The following CYFIP2 variants were observed in gnomAD, a reference collection of about 807,000 sequenced individuals.
CYFIP2 encodes cytoplasmic FMR1-interacting protein 2.
A neutral mutation model predicts 158.7 loss-of-function variants in CYFIP2; 29 were observed. The ratio of observed to expected loss-of-function variants is 0.18; its 90% CI spans 0.14 to 0.25. CYFIP2 has a LOEUF of 0.25. CYFIP2 is among the 10% of genes least tolerant of loss of function. The pLI is 1.00. For missense variants in CYFIP2, 852 were observed against 1,639.5 expected, an observed-to-expected ratio of 0.52 and a Z score of 8.29; for synonymous variants, 585 against 617.6, an observed-to-expected ratio of 0.95 and a Z score of 0.78.
rs763551256 is a variant in CYFIP2 at position 157,361,625 on chromosome 5, G to A, written c.3039+27G>A. 1.9e-6 allele frequency: 3 copies of A among 1,613,392 alleles called. No homozygotes were observed. The highest frequency in any genetic ancestry group is 2.5e-6 in the Non-Finnish European group (3 of 1,179,626). ...TAAGTCCAGAGCCCAAAGGAAGTGG[G>A]GTGTCTCCAGGTTGGAGGGGATGCC... On this transcript the variant is annotated intron_variant, in intron 26 of 30. Coordinates refer to ENST00000620254, the MANE Select transcript of CYFIP2 (RefSeq NM_001037333.3). This position sits in a 1 kb window ranked among gnomAD's most constrained non-coding sequence, Gnocchi z 4.4.
rs73815814 is a variant in CYFIP2 at position 157,304,000 on chromosome 5, T to C, written c.667-238T>C. ...GCACTTTCTAACCATCAGAACTGCC[T>C]GGGAATAAAATAGGGGGTGAGTTCC... On this transcript the variant is annotated intron_variant, in intron 7 of 30. Transcript: ENST00000620254. 4.0e-3 allele frequency among the ~76,000 whole-genome samples: 602 copies of C among 152,186 alleles called. 2 individuals carry two copies. The highest frequency in any genetic ancestry group is 0.014 in the African/African-American group (570 of 41,528).
intron 30 of CYFIP2, among the ~76,000 whole-genome samples, chr5:157,391,938 T>C (rs1767335507): frequency 6.6e-6 from 1 of 152,210 alleles, no homozygotes; most frequent in African/African-American, 2.4e-5. Flanking sequence ...TCAGCACTTA[T>C]TCTTTAATAA....
chr5:157,295,580 T>C (rs1415608070), intron 4 of CYFIP2, among the ~76,000 whole-genome samples: 1 of 152,140 alleles, frequency 6.6e-6, no homozygotes, highest in African/African-American at 2.4e-5. Context: ...ACACATGCTG[T>C]TTTGTTTCAC....
At chr5:157,324,628 T>G (rs1453359706) in intron 16 of CYFIP2, 6 of 152,290 alleles carry the variant, frequency 3.9e-5, no homozygotes, top group African/African-American at 1.4e-4. Context: ...GGAAGGGCCT[T>G]CAAGGTCTCT....
chr5:157,395,268 C>G lies in CYFIP2; in HGVS notation c.*2268C>G. ...TTCTTTCCTCCTTGGCATTACTGCC[C>G]CAGCCTCTTTTTATTTTTTTTGTGT... On this transcript the variant is annotated 3_prime_UTR_variant, in exon 31 of 31. Transcript: ENST00000620254. 1 of 279,740 alleles carries G rather than the reference C, an allele frequency of 3.6e-6. No individual in the cohort carries two copies. Among genetic ancestry groups the G allele is most frequent in the Non-Finnish European group, 6.8e-6 (1 of 146,488 alleles). 17.3% of individuals were successfully genotyped at this position (279,740 alleles called of 1,614,324 possible).
rs1308752615 is a variant in CYFIP2 at position 157,285,339 on chromosome 5, T to A, written c.-23T>A. The A allele has an allele frequency of 6.5e-7, 1 of 1,547,816 alleles. No homozygotes were observed. The highest frequency in any genetic ancestry group is 8.8e-7 in the Non-Finnish European group (1 of 1,142,604). ...CTGACCTTCTCTTCCTTCCCTTCAG[T>A]GCAGAATACAGAAACTGCAGCCATG... is the stretch of plus-strand genomic sequence containing the variant. On this transcript the variant is annotated splice_region_variant and 5_prime_UTR_variant, in exon 2 of 31. Coordinates refer to ENST00000620254, the MANE Select transcript of CYFIP2 (RefSeq NM_001037333.3).
chr5:157,325,795 AATTCAGC>A (rs1760976401), intron 17 of CYFIP2, 157 bp downstream of exon 17: 2 of 800,226 alleles, frequency 2.5e-6, no homozygotes, highest in Non-Finnish European at 3.7e-6. Context: ...AGAATCATTT[AATTCAGC>A]CTTGCAGATA....
intron 23 of CYFIP2, among the ~76,000 whole-genome samples, chr5:157,357,810 CAG>C (rs1369544627): frequency 6.6e-6 from 1 of 151,388 alleles, no homozygotes; most frequent in African/African-American, 2.4e-5. Context: ...GCCTGGGCGA[CAG>C]AGCAAGAATC....
rs1484965602 is a variant in CYFIP2, at chr5:157,326,212, A to G, written c.2024A>G (p.Tyr675Cys). Reference protein sequence around the residue: ...YPLDLYNDSAYYALTKFKKQF... With the variant: ...YPLDLYNDSACYALTKFKKQF... ...CTGGATCTGTACAACGACAGCGCCT[A>G]CTATGCTCTGACCAAGTTTAAAAAG... The change falls in exon 18 of 31, where the codon TAC becomes TGC. Residue 675 changes from tyrosine (Y) to cysteine (C), a missense_variant. By Grantham distance (194) the Tyr-to-Cys change is radical. Transcript: ENST00000620254. The G allele has an allele frequency of 6.2e-7, 1 of 1,614,036 alleles. No individual in the cohort carries two copies. The highest frequency in any genetic ancestry group is 8.5e-7 in the Non-Finnish European group (1 of 1,179,876).
intron 1 of CYFIP2, among the ~76,000 whole-genome samples, chr5:157,270,912 CTG>C (rs1227911002): frequency 1.3e-5 from 2 of 152,158 alleles, no homozygotes; most frequent in Non-Finnish European, 2.9e-5. Flanking sequence ...GTGCCTATCT[CTG>C]TGCTGGTTGC....
intron 28 of CYFIP2, among the ~76,000 whole-genome samples, chr5:157,386,279 G>A (rs542978908): frequency 1.3e-5 from 2 of 152,258 alleles, no homozygotes; most frequent in South Asian, 4.2e-4. Flanking sequence ...GTGCAGTGGT[G>A]TGATCACAGC....
intron 26 of CYFIP2, among the ~76,000 whole-genome samples, chr5:157,368,992 G>A (rs546433873): frequency 6.6e-6 from 1 of 151,222 alleles, no homozygotes; most frequent in African/African-American, 2.4e-5. Flanking sequence ...TCCACCTCCT[G>A]GGTTCAAGCG....
At chr5:157,273,102 G>A (rs979054364) in intron 1 of CYFIP2, among the ~76,000 whole-genome samples, 6 of 152,172 alleles carry the variant, frequency 3.9e-5, no homozygotes, top group African/African-American at 1.4e-4. Context: ...CTGATCTCAG[G>A]TGATCCACCT....
chr5:157,324,008 A>C lies in CYFIP2; in HGVS notation c.1759A>C (p.Ile587Leu). 1 of 1,613,592 alleles carries C rather than the reference A, an allele frequency of 6.2e-7. No homozygotes were observed. Among genetic ancestry groups the C allele is most frequent in the Non-Finnish European group, 8.5e-7 (1 of 1,179,748 alleles). ...KTLRSSLDGP[I>L]VLAIEDFHKQ... ...CCTGAGGAGCAGCCTGGATGGACCC[A>C]TTGTCCTCGCCATAGAGGACTTTCA... The change falls in exon 16 of 31, where the codon ATT becomes CTT. Residue 587 changes from isoleucine (I) to leucine (L), a missense_variant. Around this residue, in one of 8 missense-constraint regions of CYFIP2, gnomAD observed 167 missense variants for 343.3 expected, o/e 0.49. Coordinates refer to ENST00000620254, the MANE Select transcript of CYFIP2 (RefSeq NM_001037333.3).
chr5:157,315,153 C>T, intron 13 of CYFIP2, 59 bp downstream of exon 13: 1 of 1,590,842 alleles, frequency 6.3e-7, no homozygotes, highest in Admixed American at 1.7e-5. Flanking sequence ...ATGGTGGTTC[C>T]TGAGTAGTTC....
At chr5:157,291,041 A>G (rs780460772) in intron 3 of CYFIP2, among the ~76,000 whole-genome samples, 4 of 152,220 alleles carry the variant, frequency 2.6e-5, no homozygotes, top group Non-Finnish European at 4.4e-5. Flanking sequence ...CTTTCAGAAT[A>G]TTAGAAATGT....
chr5:157,279,723 C>T (rs1756847438), intron 1 of CYFIP2, among the ~76,000 whole-genome samples: 1 of 152,220 alleles, frequency 6.6e-6, no homozygotes, highest in South Asian at 2.1e-4. Context: ...AAATGATGCT[C>T]CCAGAACACT....
At position 157,395,482 on chromosome 5, in the gene CYFIP2, C is replaced by T; in HGVS notation, c.*2482C>T. 2.1e-6 allele frequency: 1 copy of T among 486,596 alleles called. No homozygotes were observed. The highest frequency in any genetic ancestry group is 1.7e-5 in the South Asian group (1 of 59,800). 30.1% of individuals were successfully genotyped at this position (486,596 alleles called of 1,614,324 possible). A position where few individuals can be genotyped will look rare whatever the true frequency, so the allele number is the denominator to read the frequency against. Reference sequence around the variant, plus strand: ...AAATAATGATGTTAAATTCTTAAATCATATTTGCTATGCAGCTGAAGATGA... The same window carrying T: ...AAATAATGATGTTAAATTCTTAAATTATATTTGCTATGCAGCTGAAGATGA... On this transcript the variant is annotated 3_prime_UTR_variant, in exon 31 of 31. Transcript: ENST00000620254.
chr5:157,291,435 G>A (rs997777463), intron 3 of CYFIP2, among the ~76,000 whole-genome samples: 2 of 152,218 alleles, frequency 1.3e-5, no homozygotes, highest in African/African-American at 4.8e-5. Flanking sequence ...ACTGTCCGTA[G>A]GGCAGAGTTC....
Sources: gnomAD v4.1 joint callset for allele counts (sites outside exome capture counted in the v4.1 genomes callset) on GRCh38, gnomAD v4.1.1 for gene constraint, gnomAD v4.1.1 regional missense constraint, Gnocchi (gnomAD v3.1) non-coding constraint, MANE v1.5 for transcripts, NCBI Gene and HGNC (gene_info 2026-07-23, HGNC 2026-07-21) for gene names.